The following ATP6V1C2 variants were observed in gnomAD, a reference collection of about 807,000 sequenced individuals.
ATP6V1C2 encodes the protein ATPase H+ transporting V1 subunit C2.
Under a neutral mutation model 56.8 loss-of-function variants are expected in ATP6V1C2, and 45 were observed. That is an observed-to-expected ratio of 0.79 (90% CI 0.62 to 1.02). ATP6V1C2 has a LOEUF of 1.02. Among genes scored for constraint, ATP6V1C2 ranks in the 50% least tolerant of loss-of-function variants. The probability of loss-of-function intolerance (pLI) is 0.00; values close to 1 mark genes in which losing one functional copy is unlikely to be tolerated. For synonymous variants in ATP6V1C2, 220 were observed against 201.3 expected, an observed-to-expected ratio of 1.09 and a Z score of -0.79; for missense variants, 463 against 519.7, an observed-to-expected ratio of 0.89 and a Z score of 1.06.
At chr2:10,768,631 C>A in intron 5 of ATP6V1C2, 88 bp from the exon 6 acceptor site, 2 of 1,042,278 alleles carry the variant, frequency 1.9e-6, no homozygotes, top group South Asian at 1.3e-5. Context: ...TTCTTGAAAG[C>A]ACCATGAGCT....
intron 6 of ATP6V1C2, 142 bp downstream of exon 6, chr2:10,768,952 C>T (rs960196281): frequency 2.9e-6 from 2 of 682,084 alleles, no homozygotes. Flanking sequence ...GCACTCTCAC[C>T]TCTCCAAGAG....
At chr2:10,749,662 A>C (rs10929698) in intron 3 of ATP6V1C2, among the ~76,000 whole-genome samples, 73,570 of 151,738 alleles carry the variant, frequency 0.48, 19,776 homozygotes, top group South Asian at 0.63. Context: ...GTAAATGTTC[A>C]TATTCTTAAT....
At chr2:10,754,266 T>C (rs1663391455) in intron 4 of ATP6V1C2, among the ~76,000 whole-genome samples, 200 bp downstream of exon 4, 1 of 152,140 alleles carries the variant, frequency 6.6e-6, no homozygotes, top group Non-Finnish European at 1.5e-5. Flanking sequence ...TCTCCCTCTG[T>C]TGCCCACGCT....
chr2:10,749,171 C>T (rs1663079856), intron 3 of ATP6V1C2, among the ~76,000 whole-genome samples: 2 of 148,512 alleles, frequency 1.3e-5, no homozygotes, highest in Admixed American at 6.8e-5. Flanking sequence ...TTCAAAACAC[C>T]TAAAAAATTA....
rs1244917730 is a variant in ATP6V1C2 at position 10,782,232 on chromosome 2, T to C, written c.1062-11T>C. 2 of 1,613,562 alleles carry C rather than the reference T, an allele frequency of 1.2e-6. No homozygotes were observed. Among genetic ancestry groups the C allele is most frequent in the Non-Finnish European group, 1.7e-6 (2 of 1,179,800 alleles). On this transcript the variant is annotated splice_polypyrimidine_tract_variant and intron_variant, in intron 12 of 13. Coordinates refer to ENST00000272238, the MANE Select transcript of ATP6V1C2 (RefSeq NM_001039362.2). ...GAGCAGTGAACTGACACATTTTGTC[T>C]ATCTGAAAAGGTATGGACTACCAGT...
chr2:10,741,010 A>G (rs1378887737), intron 3 of ATP6V1C2, among the ~76,000 whole-genome samples: 4 of 152,214 alleles, frequency 2.6e-5, no homozygotes, highest in African/African-American at 9.6e-5. Flanking sequence ...TGAAGAGGGT[A>G]GAGCATTACT....
chr2:10,777,461 G>A (rs1665068774), intron 10 of ATP6V1C2, 124 bp from the exon 11 acceptor site: 8 of 1,287,482 alleles, frequency 6.2e-6, no homozygotes, highest in East Asian at 2.4e-5. Context: ...GCCAGCACGC[G>A]AGTCCCGAGG....
intron 4 of ATP6V1C2, among the ~76,000 whole-genome samples, chr2:10,761,445 A>C (rs529446283): frequency 1.3e-5 from 2 of 151,182 alleles, no homozygotes; most frequent in East Asian, 3.9e-4. Flanking sequence ...CCCTCTGACC[A>C]CTCCCTGCTC....
chr2:10,776,971 AG>A (rs1665033869), intron 10 of ATP6V1C2, among the ~76,000 whole-genome samples: 2 of 152,192 alleles, frequency 1.3e-5, no homozygotes, highest in Non-Finnish European at 2.9e-5. Flanking sequence ...TGGCCTATCT[AG>A]AAGTGCATGA....
chr2:10,755,923 G>T lies in ATP6V1C2; in HGVS notation c.283+1857G>T, dbSNP rs139308322. 5.3e-5 allele frequency among the ~76,000 whole-genome samples: 8 copies of T among 152,332 alleles called. No individual in the cohort carries two copies. In the East Asian group the frequency reaches 1.5e-3, roughly 29 times the overall value. On this transcript the variant is annotated intron_variant, in intron 4 of 13. Transcript: ENST00000272238. The stretch of plus-strand genomic sequence containing the variant: ...CCAGTGATGTTTTGGCCCATTAACT[G>T]TGTGCATACTATTTCAGTGCCTTTA...
chr2:10,775,460 C>T (rs1030489539), intron 10 of ATP6V1C2, among the ~76,000 whole-genome samples: 1 of 152,216 alleles, frequency 6.6e-6, no homozygotes, highest in Non-Finnish European at 1.5e-5. Flanking sequence ...GGCACGTGGG[C>T]TCCAGGCGGG....
At chr2:10,741,236 G>C (rs556778479) in intron 3 of ATP6V1C2, among the ~76,000 whole-genome samples, 1 of 152,244 alleles carries the variant, frequency 6.6e-6, no homozygotes, top group Non-Finnish European at 1.5e-5. Context: ...AGAGTCCCCA[G>C]GGGGAGCCTC....
At chr2:10,775,253 C>T (rs1664889118) in intron 10 of ATP6V1C2, among the ~76,000 whole-genome samples, 182 bp downstream of exon 10, 2 of 152,186 alleles carry the variant, frequency 1.3e-5, no homozygotes, top group South Asian at 4.1e-4. Context: ...GGGCGGTGAG[C>T]ACAAAGGAGC....
At chr2:10,727,580 T>G (rs1266002545) in intron 3 of ATP6V1C2, among the ~76,000 whole-genome samples, 1 of 151,190 alleles carries the variant, frequency 6.6e-6, no homozygotes, top group Non-Finnish European at 1.5e-5. Context: ...AAACCCAAAG[T>G]ACAAAAAGGA....
chr2:10,773,068 CAGG>C (rs968906695), intron 8 of ATP6V1C2, among the ~76,000 whole-genome samples: 3 of 152,202 alleles, frequency 2.0e-5, no homozygotes, highest in African/African-American at 4.8e-5. Context: ...GTCACAGTGA[CAGG>C]AGGAGAGCGG....
At position 10,785,080 on chromosome 2, in the gene ATP6V1C2, G is replaced by C; in HGVS notation, c.*1817G>C. 5 of 1,236,040 alleles carry C rather than the reference G, an allele frequency of 4.0e-6. No homozygotes were observed. Among genetic ancestry groups the C allele is most frequent in the Non-Finnish European group, 5.8e-6 (5 of 860,440 alleles). 76.6% of individuals were successfully genotyped at this position (1,236,040 alleles called of 1,614,324 possible). ...ACACACACATTTACAATGGACTGCT[G>C]GTGCAGAAGAATAAACAACTTTAAA... On this transcript the variant is annotated 3_prime_UTR_variant, in exon 14 of 14. Coordinates refer to ENST00000272238, the MANE Select transcript of ATP6V1C2 (RefSeq NM_001039362.2).
chr2:10,776,036 G>A (rs950868171), intron 10 of ATP6V1C2, among the ~76,000 whole-genome samples: 2 of 152,080 alleles, frequency 1.3e-5, no homozygotes, highest in African/African-American at 4.8e-5. Context: ...TGTGTGCTCC[G>A]GGCTCCTGGG....
chr2:10,726,476 C>T (rs141081826), intron 2 of ATP6V1C2, 26 bp from the exon 3 acceptor site: 528 of 1,598,852 alleles, frequency 3.3e-4, no homozygotes, highest in Admixed American at 8.2e-4. Flanking sequence ...ACCTGTGAGC[C>T]TCTGACGTTT....
In ATP6V1C2 at chr2:10,763,160, C is replaced by T. The variant is rs919930569; in HGVS notation, c.284-1171C>T. Among the ~76,000 whole-genome samples the T allele has an allele frequency of 6.6e-6, 1 of 152,120 alleles. No homozygotes were observed. The highest frequency in any genetic ancestry group is 1.5e-5 in the Non-Finnish European group (1 of 68,000). On this transcript the variant is annotated intron_variant, in intron 4 of 13. Transcript: ENST00000272238. The surrounding 1 kb of genome is among the most constrained non-coding windows in gnomAD (Gnocchi z 4.2). ...ATCCTACCCCTTTCTGTTCAGCATC[C>T]GTCCACACTCCCTCTTCCCTGACTC...
Sources: allele counts gnomAD v4.1 joint callset (sites outside exome capture counted in the v4.1 genomes callset), GRCh38; gene constraint gnomAD v4.1.1; non-coding constraint Gnocchi (gnomAD v3.1); transcripts MANE v1.5; gene names NCBI Gene and HGNC (gene_info 2026-07-23, HGNC 2026-07-21).